The following SRI variants were observed in gnomAD, a reference collection of about 807,000 sequenced individuals.
The protein encoded by SRI is sorcin.
SRI carries 30 observed loss-of-function variants against 33.3 expected under a neutral mutation model. That is an observed-to-expected ratio of 0.90 (90% CI 0.67 to 1.22). The LOEUF (loss-of-function observed/expected upper bound fraction) is 1.22. Ranked by LOEUF, SRI falls within the 50% of genes most tolerant of loss-of-function variation. The probability of loss-of-function intolerance (pLI) is 0.00; values close to 1 mark genes in which losing one functional copy is unlikely to be tolerated. For synonymous variants in SRI, 75 were observed against 89.9 expected (o/e 0.83, Z 0.94); for missense variants, 243 against 250.8 (o/e 0.97, Z 0.21).
At chr7:88,211,454 C>CA (rs922802069) in intron 3 of SRI, among the ~76,000 whole-genome samples, 74 of 137,824 alleles carry the variant, frequency 5.4e-4, no homozygotes, top group South Asian at 1.1e-3. Flanking sequence ...GACTCCATCT[C>CA]AAAAAAAAAA....
chr7:88,224,491 C>T (rs1851955486), upstream of SRI, among the ~76,000 whole-genome samples: 1 of 152,140 alleles, frequency 6.6e-6, no homozygotes, highest in African/African-American at 2.4e-5. Flanking sequence ...GGGTGTGGCA[C>T]CTCATGATTT....
upstream of SRI, among the ~76,000 whole-genome samples, chr7:88,220,587 G>C (rs1237600419): frequency 6.6e-6 from 1 of 152,194 alleles, no homozygotes; most frequent in Non-Finnish European, 1.5e-5. Flanking sequence ...GTGTGCAAGG[G>C]AGAGTTTGGC....
chr7:88,210,457 T>C, intron 4 of SRI: 1 of 413,910 alleles, frequency 2.4e-6, no homozygotes, highest in Non-Finnish European at 4.5e-6. Flanking sequence ...TGTTTGCCCT[T>C]CTGTCCTAGC....
chr7:88,209,922 TA>T, intron 5 of SRI, 60 bp downstream of exon 5: 1 of 1,611,084 alleles, frequency 6.2e-7, no homozygotes, highest in Non-Finnish European at 8.5e-7. Flanking sequence ...AGCCTGGTTT[TA>T]AAAATAAAAA....
intron 1 of SRI, among the ~76,000 whole-genome samples, chr7:88,225,311 T>C (rs1313857302): frequency 1.3e-5 from 2 of 152,236 alleles, no homozygotes; most frequent in Non-Finnish European, 2.9e-5. Flanking sequence ...ATTGTACATA[T>C]GTAAATATAT....
upstream of SRI, among the ~76,000 whole-genome samples, chr7:88,221,003 C>T (rs1851877384): frequency 6.6e-6 from 1 of 152,120 alleles, no homozygotes. Flanking sequence ...ATTTCAATGA[C>T]AGAAAATTGC....
upstream of SRI, among the ~76,000 whole-genome samples, chr7:88,220,431 G>A (rs982143187): frequency 6.6e-6 from 1 of 151,900 alleles, no homozygotes; most frequent in African/African-American, 2.4e-5. Flanking sequence ...TATTGGACAG[G>A]ACGGAGCTAT....
intron 5 of SRI, 133 bp downstream of exon 5, chr7:88,209,850 A>T: frequency 8.5e-7 from 1 of 1,182,458 alleles, no homozygotes; most frequent in Non-Finnish European, 1.3e-6. Context: ...TCCCGAGCTC[A>T]GGCAATCCAC....
At chr7:88,211,895 A>C (rs1431445560) in intron 3 of SRI, among the ~76,000 whole-genome samples, 2 of 152,252 alleles carry the variant, frequency 1.3e-5, no homozygotes, top group Non-Finnish European at 2.9e-5. Context: ...TAACCAAACC[A>C]GAGCACATGC....
chr7:88,219,475 G>A, intron 1 of SRI: 1 of 189,022 alleles, frequency 5.3e-6, no homozygotes, highest in Non-Finnish European at 1.1e-5. Flanking sequence ...CGGCGAGGCT[G>A]CCTTCCTACA....
chr7:88,208,372 CTCTT>C (rs1291994906), intron 7 of SRI, 131 bp downstream of exon 7: 37 of 1,427,794 alleles, frequency 2.6e-5, no homozygotes, highest in Admixed American at 8.4e-5. Context: ...TGGATGATAA[CTCTT>C]TCTAACTTTT....
At chr7:88,212,676 C>T (rs1054038199) in intron 3 of SRI, among the ~76,000 whole-genome samples, 3 of 152,182 alleles carry the variant, frequency 2.0e-5, no homozygotes, top group African/African-American at 7.2e-5. Context: ...AGCCCTTACC[C>T]TACACCAATA....
At position 88,208,550 on chromosome 7, in the gene SRI, C is replaced by T. The variant is rs1484662049; in HGVS notation, c.527G>A (p.Arg176Gln). 21 of 1,613,686 alleles carry T rather than the reference C, an allele frequency of 1.3e-5. No homozygotes were observed. The highest frequency in any genetic ancestry group is 5.0e-5 in the Admixed American group (3 of 59,994). The stretch of plus-strand genomic sequence containing the variant: ...CACAACACCTTGCTGAGCAGTATCC[C>T]GTCTTCGAAAGCTGTCTGTAAAACA... ...LRALTDSFRR[R>Q]DTAQQGVVNF... The change falls in exon 7 of 8, where the codon CGG becomes CAG. Residue 176 changes from arginine to glutamine, a missense_variant. Transcript: ENST00000265729.
chr7:88,215,166 C>T (rs543664313), intron 3 of SRI, among the ~76,000 whole-genome samples: 18 of 152,324 alleles, frequency 1.2e-4, no homozygotes, highest in African/African-American at 4.3e-4. Context: ...CATTACAAAA[C>T]ACTGACACCT....
intron 1 of SRI, 67 bp from the exon 2 acceptor site, chr7:88,219,009 CT>C (rs1474163335): frequency 6.8e-7 from 1 of 1,460,940 alleles, no homozygotes; most frequent in African/African-American, 1.4e-5. Context: ...CCACTGAGGG[CT>C]TTTGTGCAAG....
At position 88,217,658 on chromosome 7, in the gene SRI, C is replaced by T. The variant is rs1851766215; in HGVS notation, c.136-467G>A. Among the ~76,000 whole-genome samples the T allele has an allele frequency of 2.0e-5, 3 of 152,022 alleles. No individual in the cohort carries two copies. The South Asian group carries it at 6.2e-4, about 31-fold the overall frequency. ...TCCCAGTGCCCATTCACTGGCTGAA[C>T]TGGGAAAGAACTAGATATATGTGAT... On this transcript the variant is annotated intron_variant, in intron 2 of 7. Transcript: ENST00000265729.
intron 7 of SRI, 57 bp downstream of exon 7, chr7:88,208,450 T>C: frequency 1.2e-6 from 2 of 1,604,624 alleles, no homozygotes; most frequent in Non-Finnish European, 8.5e-7. Context: ...TTCAAAGGGA[T>C]ACCCATCTGG....
chr7:88,208,743 T>C lies in SRI; in HGVS notation c.512-178A>G. ...ACTATATGAATAGTAAAAGATTTAA[T>C]ATGCAACAAAGTAACAGGCAGAAGT... On this transcript the variant is annotated intron_variant, in intron 6 of 7. Coordinates refer to ENST00000265729, the MANE Select transcript of SRI (RefSeq NM_003130.4). 5.4e-6 allele frequency: 5 copies of C among 926,638 alleles called. 1 individual carries two copies. In the South Asian group the frequency reaches 7.2e-5, roughly 13 times the overall value. The allele number at this position is 926,638 out of a possible 1,614,324, so 57.4% of individuals were successfully genotyped here.
At chr7:88,218,790 G>T in intron 2 of SRI, 69 bp downstream of exon 2, 1 of 1,481,732 alleles carries the variant, frequency 6.7e-7, no homozygotes, top group East Asian at 2.3e-5. Flanking sequence ...GCTTTTCTGT[G>T]TCACTATATC....
Sources: gnomAD v4.1 joint callset for allele counts (sites outside exome capture counted in the v4.1 genomes callset) on GRCh38, gnomAD v4.1.1 for gene constraint, MANE v1.5 for transcripts, NCBI Gene and HGNC (gene_info 2026-07-23, HGNC 2026-07-21) for gene names.